Variants in CGN observed in about 807,000 individuals in gnomAD.
The protein encoded by CGN is cingulin.
Under a neutral mutation model 157.1 loss-of-function variants are expected in CGN, and 121 were observed. That is an observed-to-expected ratio of 0.77 (90% CI 0.66 to 0.90). The LOEUF is 0.90. Ranked by LOEUF, CGN falls within the 40% of genes least tolerant of loss-of-function variation. The probability of loss-of-function intolerance (pLI) is 0.00; values close to 1 mark genes in which losing one functional copy is unlikely to be tolerated. For synonymous variants in CGN, 535 were observed against 607.5 expected, an observed-to-expected ratio of 0.88 and a Z score of 1.76; for missense variants, 1,424 against 1,520.9, an observed-to-expected ratio of 0.94 and a Z score of 1.06.
intron 13 of CGN, among the ~76,000 whole-genome samples, chr1:151,532,010 T>C (rs187233532): frequency 6.6e-6 from 1 of 152,382 alleles, no homozygotes; most frequent in East Asian, 1.9e-4. Flanking sequence ...GTACGCCGTA[T>C]AATCATTGGC....
At chr1:151,523,668 A>C (rs1664596014) in intron 6 of CGN, 107 bp downstream of exon 6, 2 of 1,126,132 alleles carry the variant, frequency 1.8e-6, no homozygotes, top group Non-Finnish European at 2.5e-6. Flanking sequence ...GGAAATCTCC[A>C]GAAGCTGAAA....
intron 10 of CGN, among the ~76,000 whole-genome samples, chr1:151,528,683 C>T (rs902466253): frequency 5.3e-5 from 8 of 152,154 alleles, no homozygotes; most frequent in Non-Finnish European, 8.8e-5. Context: ...TCCCAAACTG[C>T]AGGCATGAGC....
In CGN at chr1:151,537,544, G is replaced by C. The variant is rs1028979452; in HGVS notation, c.*198G>C. The C allele has an allele frequency of 2.0e-6, 1 of 505,568 alleles. No homozygotes were observed. Among genetic ancestry groups the C allele is most frequent in the East Asian group, 3.1e-5 (1 of 32,390 alleles). The allele number at this position is 505,568 out of a possible 1,614,324, so 31.3% of individuals were successfully genotyped here. A position where few individuals can be genotyped will look rare whatever the true frequency, so the allele number is the denominator to read the frequency against. On this transcript the variant is annotated 3_prime_UTR_variant, in exon 21 of 21. Transcript: ENST00000271636. ...GATAGATGGACTTTCCACTGTAGGA[G>C]TGGACATTTCAAGCCAACTGAGCCT...
At chr1:151,525,825 T>G in intron 9 of CGN, 35 bp downstream of exon 9, 1 of 1,376,502 alleles carries the variant, frequency 7.3e-7, no homozygotes, top group South Asian at 1.8e-5. Flanking sequence ...ATACCCATGA[T>G]TCATATGCCA....
chr1:151,537,099 A>C, intron 20 of CGN, 106 bp from the exon 21 acceptor site: 1 of 1,359,400 alleles, frequency 7.4e-7, no homozygotes, highest in East Asian at 2.3e-5. Flanking sequence ...TTTTGTGAAT[A>C]AACTTTAGGC....
rs1557988733 is a variant in CGN, at chr1:151,524,354, T to G, written c.1397T>G (p.Leu466Arg). Reference sequence around the variant, plus strand: ...CCTGAGCCTGCTAAGGAGGTGTTACTGAAGGTAGGGTCTGGGGTCATATGC... The same window carrying G: ...CCTGAGCCTGCTAAGGAGGTGTTACGGAAGGTAGGGTCTGGGGTCATATGC... ...QGPEPAKEVL[L>R]KDLLETRELL... The change falls in exon 7 of 21, where the codon CTG becomes CGG. Residue 466 changes from leucine (L) to arginine (R), a missense_variant. This residue lies in a region of CGN where 1,187 missense variants were observed against 1,217.6 expected (regional missense o/e 0.97). Transcript: ENST00000271636. This position sits in a 1 kb window ranked among gnomAD's most constrained non-coding sequence, Gnocchi z 4.4. The G allele has an allele frequency of 6.2e-7, 1 of 1,614,022 alleles. No individual in the cohort carries two copies. Among genetic ancestry groups the G allele is most frequent in the South Asian group, 1.1e-5 (1 of 91,076 alleles).
chr1:151,532,395 G>GT lies in CGN; in HGVS notation c.2572-4dup, dbSNP rs1553246833. The GT allele has an allele frequency of 5.8e-6, 9 of 1,547,846 alleles. No homozygotes were observed. Among genetic ancestry groups the GT allele is most frequent in the Non-Finnish European group, 7.8e-6 (9 of 1,152,524 alleles). ...CAGTGCTGAAGACCCTTTTCTCTGT[G>GT]TTTCAGTTGGAGAAGATCGGGGAGG... On this transcript the variant is annotated splice_polypyrimidine_tract_variant and splice_region_variant and intron_variant, in intron 13 of 20. Coordinates refer to ENST00000271636, the MANE Select transcript of CGN (RefSeq NM_020770.3).
In CGN at chr1:151,527,117, A is replaced by T. The variant is rs543562092; in HGVS notation, c.1896+10A>T. 1 of 1,613,724 alleles carries T rather than the reference A, an allele frequency of 6.2e-7. No homozygotes were observed. Among genetic ancestry groups the T allele is most frequent in the African/African-American group, 1.3e-5 (1 of 74,940 alleles). On this transcript the variant is annotated intron_variant, in intron 10 of 20. Coordinates refer to ENST00000271636, the MANE Select transcript of CGN (RefSeq NM_020770.3). ...TGAGGTGCTCAAGAAGGTATTTGGG[A>T]ATTGGGGGGCAGAATGGTAGGTAGG...
rs778844457 is a variant in CGN, at chr1:151,524,867, G to C, written c.1595G>C (p.Ser532Thr). ...YQRDTEQLRR[S>T]MQDATQDHAV... ...CGAGACACAGAGCAGCTCCGCAGGA[G>C]CATGCAAGATGCAACCCAGGCATGT... is the stretch of plus-strand genomic sequence containing the variant. Residue 532 changes from serine to threonine, a missense_variant, in exon 8 of 21, where the codon AGC (serine) becomes ACC (threonine). Transcript: ENST00000271636. The surrounding 1 kb of genome is among the most constrained non-coding windows in gnomAD (Gnocchi z 4.4). The C allele has an allele frequency of 1.2e-6, 2 of 1,611,518 alleles. No individual in the cohort carries two copies. Among genetic ancestry groups the C allele is most frequent in the East Asian group, 4.5e-5 (2 of 44,878 alleles).
At chr1:151,517,809 G>C (rs1664446386) in intron 1 of CGN, among the ~76,000 whole-genome samples, 1 of 151,774 alleles carries the variant, frequency 6.6e-6, no homozygotes, top group African/African-American at 2.4e-5. Context: ...ACTGTACCTG[G>C]CCACATGGTG....
At chr1:151,535,163 C>T in intron 16 of CGN, 32 bp downstream of exon 16, 1 of 1,507,560 alleles carries the variant, frequency 6.6e-7, no homozygotes, top group South Asian at 1.1e-5. Context: ...CTCTGTTTAC[C>T]CCTGACTGCA....
chr1:151,518,993 G>C lies in CGN; in HGVS notation c.474G>C (p.Glu158Asp), dbSNP rs780206061. 3 of 1,614,214 alleles carry C rather than the reference G, an allele frequency of 1.9e-6. No individual in the cohort carries two copies. Among genetic ancestry groups the C allele is most frequent in the Middle Eastern group, 1.6e-4 (1 of 6,062 alleles). The change falls in exon 2 of 21, where the codon GAG becomes GAC. Residue 158 changes from glutamate (E) to aspartate (D), a missense_variant. By Grantham distance (45) the Glu-to-Asp change is conservative. Transcript: ENST00000271636. ...DPSNRSNSML[E>D]LAPKVASPGS... is the part of the protein sequence containing the mutation. ...GTAACAGAAGCAACAGCATGCTGGA[G>C]CTAGCCCCGAAAGTGGCTTCCCCAG...
intron 19 of CGN, 44 bp from the exon 20 acceptor site, chr1:151,536,686 G>A (rs1398738157): frequency 6.2e-7 from 1 of 1,600,624 alleles, no homozygotes; most frequent in Non-Finnish European, 8.6e-7. Context: ...CCAGGCCATG[G>A]TAGTAGATGC....
At chr1:151,535,466 AT>A in intron 16 of CGN, 133 bp from the exon 17 acceptor site, 1 of 738,982 alleles carries the variant, frequency 1.4e-6, no homozygotes, top group Non-Finnish European at 2.4e-6. Flanking sequence ...ATAGGCTGTG[AT>A]TTTTTAGTTG....
chr1:151,522,703 C>T (rs1030306444), intron 5 of CGN, among the ~76,000 whole-genome samples: 3 of 151,746 alleles, frequency 2.0e-5, no homozygotes, highest in South Asian at 2.1e-4. Context: ...TACCTGAGGT[C>T]GGGAGTTTGA....
intron 10 of CGN, 114 bp downstream of exon 10, chr1:151,527,221 C>T (rs547100560): frequency 1.0e-5 from 11 of 1,059,306 alleles, no homozygotes; most frequent in East Asian, 2.4e-5. Flanking sequence ...GGTTTCCAGG[C>T]CTCATCCTGC....
At position 151,524,899 on chromosome 1, in the gene CGN, AGC is replaced by A. The variant is rs1232296251; in HGVS notation, c.1614+14_1614+15del. 1 of 1,607,274 alleles carries A rather than the reference AGC, an allele frequency of 6.2e-7. No individual in the cohort carries two copies. The highest frequency in any genetic ancestry group is 1.7e-5 in the Admixed American group (1 of 59,540). On this transcript the variant is annotated intron_variant, in intron 8 of 20. Coordinates refer to ENST00000271636, the MANE Select transcript of CGN (RefSeq NM_020770.3). The surrounding 1 kb of genome is among the most constrained non-coding windows in gnomAD (Gnocchi z 4.4). ...AGATGCAACCCAGGCATGTGACAAG[AGC>A]AGGGTCTGAGAGAGGAGGGCACTGC...
At chr1:151,534,415 T>C in intron 15 of CGN, 1 of 441,652 alleles carries the variant, frequency 2.3e-6, no homozygotes, top group Non-Finnish European at 4.0e-6. Flanking sequence ...GGGTTTCCCC[T>C]TTAGAGTGAA....
In CGN at chr1:151,530,134, C is replaced by T. The variant is rs752119313; in HGVS notation, c.2313+19C>T. The T allele has an allele frequency of 6.2e-7, 1 of 1,601,494 alleles. No individual in the cohort carries two copies. The highest frequency in any genetic ancestry group is 8.5e-7 in the Non-Finnish European group (1 of 1,170,722). On this transcript the variant is annotated intron_variant, in intron 12 of 20. Coordinates refer to ENST00000271636, the MANE Select transcript of CGN (RefSeq NM_020770.3). ...GCTGGAGGTCAGTGGTTCTGCCCTC[C>T]CAGCCCTCTCTGCTCAGCCCTGGTG... is the stretch of plus-strand genomic sequence containing the variant.
Sources: allele counts gnomAD v4.1 joint callset (sites outside exome capture counted in the v4.1 genomes callset), GRCh38; gene constraint gnomAD v4.1.1; regional missense constraint gnomAD v4.1.1; non-coding constraint Gnocchi (gnomAD v3.1); transcripts MANE v1.5; gene names NCBI Gene and HGNC (gene_info 2026-07-23, HGNC 2026-07-21).